Variants in DEFB110 observed in about 807,000 individuals in gnomAD.
DEFB110 encodes the protein defensin beta 110.
A neutral mutation model predicts 2.5 loss-of-function variants in DEFB110; 4 were observed. That is an observed-to-expected ratio of 1.60 (90% CI 0.79 to 3.66). The LOEUF is 3.66. Among genes scored for constraint, DEFB110 ranks in the 30% most tolerant of loss-of-function variants. The pLI, the probability that DEFB110 is intolerant of heterozygous loss-of-function variation, is 0.01. For missense variants in DEFB110, 94 were observed against 75.4 expected, an observed-to-expected ratio of 1.25 and a Z score of -0.91; for synonymous variants, 29 against 21.8, an observed-to-expected ratio of 1.33 and a Z score of -0.92.
At chr6:50,011,807 T>C (rs750142224) in intron 1 of DEFB110, among the ~76,000 whole-genome samples, 33 of 151,968 alleles carry the variant, frequency 2.2e-4, no homozygotes, top group Non-Finnish European at 4.4e-4. Context: ...TAAAAAGAGT[T>C]ATGTTTTGGA....
At chr6:50,019,520 A>G (rs1774381528) in intron 1 of DEFB110, among the ~76,000 whole-genome samples, 1 of 152,076 alleles carries the variant, frequency 6.6e-6, no homozygotes, top group Non-Finnish European at 1.5e-5. Flanking sequence ...TTCTTCTTCA[A>G]GTGATTTTCA....
At chr6:50,018,102 A>G (rs1774347416), downstream of DEFB110, among the ~76,000 whole-genome samples, 1 of 151,950 alleles carries the variant, frequency 6.6e-6, no homozygotes, top group Non-Finnish European at 1.5e-5. Context: ...AATGGAAAAC[A>G]AATGGTACAG....
At chr6:50,015,287 T>C (rs1774298144), downstream of DEFB110, among the ~76,000 whole-genome samples, 1 of 151,870 alleles carries the variant, frequency 6.6e-6, no homozygotes, top group South Asian at 2.1e-4. Context: ...ATTATTTTAA[T>C]AACTTCGAGA....
chr6:50,021,169 C>G (rs972747736), intron 1 of DEFB110, among the ~76,000 whole-genome samples: 1 of 152,108 alleles, frequency 6.6e-6, no homozygotes, highest in Non-Finnish European at 1.5e-5. Flanking sequence ...ATGCCAAGCT[C>G]AAGGGCATGG....
chr6:50,018,917 G>A lies in DEFB110; in HGVS notation c.*60C>T. 1 of 1,545,260 alleles carries A rather than the reference G, an allele frequency of 6.5e-7. No individual in the cohort carries two copies. The highest frequency in any genetic ancestry group is 2.3e-5 in the East Asian group (1 of 44,028). ...ACACACGCCTTGAAGGATGTGCTGG[G>A]AAAACTTAATAACGCTGGTCTCTCT... is the stretch of plus-strand genomic sequence containing the variant. On this transcript the variant is annotated 3_prime_UTR_variant, in exon 2 of 2. Transcript: ENST00000371148.
chr6:50,009,676 A>G (rs1430785361), intron 1 of DEFB110, among the ~76,000 whole-genome samples: 3 of 152,110 alleles, frequency 2.0e-5, no homozygotes, highest in Non-Finnish European at 2.9e-5. Flanking sequence ...TCTCTTTCCT[A>G]TTTGAACATA....
downstream of DEFB110, among the ~76,000 whole-genome samples, chr6:50,014,282 A>T (rs1208385279): frequency 6.6e-6 from 1 of 151,814 alleles, no homozygotes; most frequent in African/African-American, 2.4e-5. Context: ...AATTGGTGTG[A>T]GTGAATTTAT....
chr6:50,019,739 C>T (rs1774386161), intron 1 of DEFB110, among the ~76,000 whole-genome samples: 1 of 151,438 alleles, frequency 6.6e-6, no homozygotes, highest in Admixed American at 6.6e-5. Flanking sequence ...ACCAGTGATA[C>T]CTTTTTTTTT....
chr6:50,009,265 C>T (rs761097962), exon 2 of DEFB110: 24 of 1,592,978 alleles, frequency 1.5e-5, no homozygotes, highest in Non-Finnish European at 2.0e-5. Context: ...TTCAAAATTG[C>T]TTCTGGCTGC....
At position 50,009,221 on chromosome 6, in the gene DEFB110, T is replaced by C. The variant is rs779902523; in HGVS notation, c.106A>G (p.Arg36Gly). 6 of 1,608,766 alleles carry C rather than the reference T, an allele frequency of 3.7e-6. No individual in the cohort carries two copies. In the African/African-American group the frequency reaches 6.7e-5, roughly 18 times the overall value. The change falls in exon 2 of 2, where the codon AGA (arginine) becomes GGA (glycine). Residue 36 changes from arginine to glycine, a missense_variant. Transcript: ENST00000393660. Reference sequence around the variant, plus strand: ...TCACAAAACGTTTTACATATTCCTCTCACTTTTTCGCATCTTTCAAATCTA... The same window carrying C: ...TCACAAAACGTTTTACATATTCCTCCCACTTTTTCGCATCTTTCAAATCTA...
downstream of DEFB110, chr6:50,018,723 T>C: frequency 2.2e-6 from 2 of 913,662 alleles, no homozygotes; most frequent in African/African-American, 1.7e-5. Context: ...TTGTGGAACA[T>C]GAAGCACTGA....
chr6:50,014,297 G>A (rs1454319036), downstream of DEFB110, among the ~76,000 whole-genome samples: 1 of 151,718 alleles, frequency 6.6e-6, no homozygotes, highest in African/African-American at 2.4e-5. Context: ...ATTTATGGTG[G>A]GAAGAGTGTA....
chr6:50,014,119 G>C (rs746201147), downstream of DEFB110, among the ~76,000 whole-genome samples: 1 of 151,820 alleles, frequency 6.6e-6, no homozygotes, highest in Non-Finnish European at 1.5e-5. Context: ...TTGACATTTA[G>C]AAGACTATCA....
At chr6:50,014,901 T>C (rs1049736605), downstream of DEFB110, among the ~76,000 whole-genome samples, 5 of 151,798 alleles carry the variant, frequency 3.3e-5, no homozygotes, top group African/African-American at 1.2e-4. Flanking sequence ...GCATTAGATG[T>C]CATCCTGTCT....
chr6:50,015,218 G>T (rs1244195649), downstream of DEFB110, among the ~76,000 whole-genome samples: 6 of 151,586 alleles, frequency 4.0e-5, no homozygotes, highest in African/African-American at 1.2e-4. Flanking sequence ...ATTCCTCATT[G>T]TTTGTATTAT....
chr6:50,021,963 C>A lies in DEFB110; in HGVS notation c.-28G>T. The A allele has an allele frequency of 2.0e-6, 3 of 1,512,590 alleles. No individual in the cohort carries two copies. The highest frequency in any genetic ancestry group is 2.6e-6 in the Non-Finnish European group (3 of 1,134,172). 93.7% of individuals were successfully genotyped at this position (1,512,590 alleles called of 1,614,324 possible). A position where few individuals can be genotyped will look rare whatever the true frequency, so the allele number is the denominator to read the frequency against. On this transcript the variant is annotated 5_prime_UTR_variant, in exon 1 of 2. Coordinates refer to ENST00000371148, the MANE Select transcript of DEFB110 (RefSeq NM_001037497.2). ...TAGAGAGTTTCTTAAAAAAAGGGGG[C>A]AACAGACCTCCTTTTTCAAGTCAGT...
chr6:50,011,916 A>G (rs1271913764), intron 1 of DEFB110, among the ~76,000 whole-genome samples: 3 of 152,084 alleles, frequency 2.0e-5, no homozygotes, highest in Non-Finnish European at 4.4e-5. Flanking sequence ...AAAATCAGAT[A>G]GAATTAAGTT....
At chr6:50,021,478 T>C (rs2113944257) in intron 1 of DEFB110, among the ~76,000 whole-genome samples, 1 of 152,346 alleles carries the variant, frequency 6.6e-6, no homozygotes, top group African/African-American at 2.4e-5. Context: ...CTCTGATCAT[T>C]ACTTTCAACA....
At chr6:50,016,323 T>C (rs1774315019), downstream of DEFB110, among the ~76,000 whole-genome samples, 1 of 151,864 alleles carries the variant, frequency 6.6e-6, no homozygotes, top group Admixed American at 6.6e-5. Context: ...GTGGCATCTA[T>C]TTTTATCAGA....
Sources: gnomAD v4.1 joint callset for allele counts (sites outside exome capture counted in the v4.1 genomes callset) on GRCh38, gnomAD v4.1.1 for gene constraint, MANE v1.5 for transcripts, NCBI Gene and HGNC (gene_info 2026-07-23, HGNC 2026-07-21) for gene names.